CECR2: variants seen among roughly 807,000 people sequenced by gnomAD.
CECR2 encodes the protein CECR2 histone acetyl-lysine reader, also known as chromatin remodeling regulator CECR2.
A neutral mutation model predicts 154.5 loss-of-function variants in CECR2; 30 were observed. That is an observed-to-expected ratio of 0.19 (90% CI 0.15 to 0.26). The LOEUF (loss-of-function observed/expected upper bound fraction) is 0.26, where lower values mean the gene tolerates loss of function less well. Among genes scored for constraint, CECR2 ranks in the 10% least tolerant of loss-of-function variants. The pLI is 1.00. For synonymous variants in CECR2, 725 were observed against 683.7 expected (o/e 1.06, Z -0.94); for missense variants, 1,743 against 1,829.3 (o/e 0.95, Z 0.86).
rs1184584329 is a variant in CECR2 at position 17,481,052 on chromosome 22, A to T, written c.221+3370A>T. 1.7e-4 allele frequency among the ~76,000 whole-genome samples: 24 copies of T among 144,588 alleles called. 1 individual carries two copies. Among genetic ancestry groups the T allele is most frequent in the African/African-American group, 5.1e-4 (20 of 39,406 alleles). 94.9% of individuals were successfully genotyped at this position (144,588 alleles called of 152,430 possible). On this transcript the variant is annotated intron_variant, in intron 2 of 18. Transcript: ENST00000262608. ...GAGACTCCATCTCTTTTTTTTTTAAAAAAAAAAAAGGCCGGGCACGGTGCC... is the reference window on the plus strand; with the variant it reads ...GAGACTCCATCTCTTTTTTTTTTAATAAAAAAAAAGGCCGGGCACGGTGCC...
At chr22:17,466,598 C>CCTTTT (rs555359003) in intron 1 of CECR2, among the ~76,000 whole-genome samples, 12 of 140,180 alleles carry the variant, frequency 8.6e-5, no homozygotes, top group African/African-American at 7.8e-5. Context: ...AAAACCTTGC[C>CCTTTT]TTTTTTTTTT....
At chr22:17,525,218 G>T (rs1387841155) in intron 9 of CECR2, among the ~76,000 whole-genome samples, 4 of 140,866 alleles carry the variant, frequency 2.8e-5, no homozygotes, top group African/African-American at 1.0e-4. Flanking sequence ...CCAGGAAGTG[G>T]AGGTTGCGGT....
At chr22:17,386,308 A>G (rs1601261264) in intron 1 of CECR2, among the ~76,000 whole-genome samples, 1 of 152,148 alleles carries the variant, frequency 6.6e-6, no homozygotes, top group Non-Finnish European at 1.5e-5. Flanking sequence ...AGGAGAGAGG[A>G]TAAGACCTGT....
intron 1 of CECR2, among the ~76,000 whole-genome samples, chr22:17,475,057 C>T (rs969692474): frequency 6.6e-6 from 1 of 152,118 alleles, no homozygotes; most frequent in Admixed American, 6.6e-5. Flanking sequence ...GGGAAGGGAA[C>T]AGAACAGGAC....
chr22:17,532,697 A>ATTTTTTT (rs1158636788), intron 9 of CECR2, among the ~76,000 whole-genome samples: 3 of 29,358 alleles, frequency 1.0e-4, no homozygotes, highest in Non-Finnish European at 2.1e-4. Flanking sequence ...ATTCATTATT[A>ATTTTTTT]TTCTTTTTTT....
At chr22:17,431,713 T>C (rs944624783) in intron 1 of CECR2, among the ~76,000 whole-genome samples, 9 of 152,082 alleles carry the variant, frequency 5.9e-5, no homozygotes, top group African/African-American at 2.2e-4. Context: ...AAGACTAAAG[T>C]GGTAATTCTT....
intron 1 of CECR2, among the ~76,000 whole-genome samples, chr22:17,385,434 G>A (rs1202824181): frequency 2.0e-5 from 3 of 152,176 alleles, no homozygotes; most frequent in African/African-American, 7.2e-5. Context: ...GTTTAAATGT[G>A]CTTCTGGGAA....
intron 2 of CECR2, among the ~76,000 whole-genome samples, chr22:17,493,257 C>G (rs1033093864): frequency 1.4e-4 from 22 of 152,224 alleles, no homozygotes; most frequent in Admixed American, 7.9e-4. Context: ...CCGGCGTGAG[C>G]TACTGCGCCC....
intron 1 of CECR2, among the ~76,000 whole-genome samples, chr22:17,377,042 T>A (rs2063127157): frequency 6.6e-6 from 1 of 152,234 alleles, no homozygotes; most frequent in Admixed American, 6.5e-5. Flanking sequence ...GTGCCCCATC[T>A]ATAGACTCAG....
At chr22:17,539,188 A>G (rs1200291220) in intron 13 of CECR2, 69 bp downstream of exon 13, 10 of 1,546,988 alleles carry the variant, frequency 6.5e-6, no homozygotes, top group Non-Finnish European at 6.2e-6. Context: ...CTCTTTTACA[A>G]ATACACATCC....
intron 1 of CECR2, among the ~76,000 whole-genome samples, chr22:17,454,274 G>A (rs2054818419): frequency 6.6e-6 from 1 of 151,742 alleles, no homozygotes; most frequent in South Asian, 2.1e-4. Context: ...ACCCCAGCCT[G>A]GATGACAGAG....
intron 1 of CECR2, among the ~76,000 whole-genome samples, chr22:17,370,662 A>G (rs910709412): frequency 1.3e-5 from 2 of 152,148 alleles, no homozygotes; most frequent in South Asian, 2.1e-4. Flanking sequence ...CATTCTGGCC[A>G]GGCCGGAGGT....
At chr22:17,463,564 A>T (rs1333972309) in intron 1 of CECR2, among the ~76,000 whole-genome samples, 1 of 152,178 alleles carries the variant, frequency 6.6e-6, no homozygotes, top group Non-Finnish European at 1.5e-5. Flanking sequence ...AGAGTCAAGG[A>T]TGCCTCAATT....
At chr22:17,431,461 T>C (rs2054421145) in intron 1 of CECR2, among the ~76,000 whole-genome samples, 1 of 152,208 alleles carries the variant, frequency 6.6e-6, no homozygotes, top group African/African-American at 2.4e-5. Flanking sequence ...TCTAGAACAC[T>C]CTTCAAAACA....
chr22:17,494,632 A>T (rs174289), intron 2 of CECR2, among the ~76,000 whole-genome samples: 15 of 152,188 alleles, frequency 9.9e-5, no homozygotes, highest in Middle Eastern at 3.4e-3. Context: ...TGTTTTCCCC[A>T]GTGAGATAGT....
chr22:17,453,505 G>A (rs552683793), intron 1 of CECR2, among the ~76,000 whole-genome samples: 1 of 152,076 alleles, frequency 6.6e-6, no homozygotes. Context: ...ATTAATAAGT[G>A]TTGCCAACTT....
At position 17,434,859 on chromosome 22, in the gene CECR2, A is replaced by G. The variant is rs117830912; in HGVS notation, c.127-42729A>G. On this transcript the variant is annotated intron_variant, in intron 1 of 18. Coordinates refer to ENST00000262608, the MANE Select transcript of CECR2 (RefSeq NM_001290047.2). ...GGTGTTACAGTGAAAGGATAGTGTC[A>G]AGTCAAGGGGGACTTGAGAGCAGCC... is the stretch of plus-strand genomic sequence containing the variant. Among the ~76,000 whole-genome samples the G allele has an allele frequency of 8.5e-3, 1,288 of 152,250 alleles. 67 individuals are homozygous for G. The East Asian group carries it at 0.15, about 18-fold the overall frequency.
At chr22:17,398,986 TC>T (rs1244441841) in intron 1 of CECR2, among the ~76,000 whole-genome samples, 1 of 152,216 alleles carries the variant, frequency 6.6e-6, no homozygotes, top group African/African-American at 2.4e-5. Flanking sequence ...GGTGAGCACC[TC>T]CTGGGAATGT....
intron 2 of CECR2, among the ~76,000 whole-genome samples, chr22:17,479,854 A>G (rs959825869): frequency 6.7e-6 from 1 of 149,318 alleles, no homozygotes; most frequent in African/African-American, 2.5e-5. Flanking sequence ...TGTAGCCTCA[A>G]CCTGGGCTCT....
Sources: gnomAD v4.1 joint callset for allele counts (sites outside exome capture counted in the v4.1 genomes callset) on GRCh38, gnomAD v4.1.1 for gene constraint, MANE v1.5 for transcripts, NCBI Gene and HGNC (gene_info 2026-07-23, HGNC 2026-07-21) for gene names.